Variants in LY96 observed in about 807,000 individuals in gnomAD.
LY96 encodes myeloid differentiation protein-2.
LY96 carries 18 observed loss-of-function variants against 18.9 expected under a neutral mutation model. The observed-to-expected ratio is 0.95, with a 90% CI of 0.66 to 1.41. The LOEUF (loss-of-function observed/expected upper bound fraction) is 1.41, where lower values mean the gene tolerates loss of function less well. LY96 is among the 40% of genes most tolerant of loss of function. LY96 has a pLI of 0.00. For synonymous variants in LY96, 66 were observed against 62.6 expected (o/e 1.06, Z -0.26); for missense variants, 175 against 182.4 (o/e 0.96, Z 0.23).
chr8:74,075,685 CT>C, the LY96 span, among the ~76,000 whole-genome samples: 3 of 152,106 alleles, frequency 2.0e-5, no homozygotes, highest in Admixed American at 1.3e-4. Context: ...TCTTTAATTT[CT>C]TTTGATTAAA....
chr8:74,037,499 G>A, the LY96 span, among the ~76,000 whole-genome samples: 1 of 152,172 alleles, frequency 6.6e-6, no homozygotes, highest in African/African-American at 2.4e-5. Flanking sequence ...AAGCATCGCA[G>A]CACCTGCCTG....
chr8:74,012,903 A>G (rs1816558674), intron 3 of LY96, among the ~76,000 whole-genome samples: 1 of 152,006 alleles, frequency 6.6e-6, no homozygotes, highest in Admixed American at 6.6e-5. Context: ...ACTATATGTT[A>G]TTGGTTTTAA....
chr8:74,031,791 C>T (rs1292891988), downstream of LY96, among the ~76,000 whole-genome samples: 2 of 151,742 alleles, frequency 1.3e-5, no homozygotes, highest in Admixed American at 6.6e-5. Context: ...ACCAAGAAGA[C>T]AGTCAATGTG....
At chr8:74,081,264 C>CT in the LY96 span, among the ~76,000 whole-genome samples, 4 of 139,460 alleles carry the variant, frequency 2.9e-5, no homozygotes, top group African/African-American at 8.0e-5. Flanking sequence ...CTTTCTCCTT[C>CT]TTTTTTTTTG....
chr8:74,039,823 A>G, the LY96 span, among the ~76,000 whole-genome samples: 14 of 152,226 alleles, frequency 9.2e-5, no homozygotes, highest in Non-Finnish European at 1.5e-5. Context: ...GAAAGTGGAC[A>G]AGGAGCATGA....
chr8:74,019,356 C>T (rs1816710274), intron 3 of LY96, among the ~76,000 whole-genome samples: 1 of 152,126 alleles, frequency 6.6e-6, no homozygotes, highest in Non-Finnish European at 1.5e-5. Context: ...TACACCCTCC[C>T]AAGACTAAAC....
At chr8:74,047,777 C>A in the LY96 span, among the ~76,000 whole-genome samples, 1 of 152,324 alleles carries the variant, frequency 6.6e-6, no homozygotes, top group East Asian at 1.9e-4. Context: ...TTATCCAAAC[C>A]ACAATGCTAA....
Position 74,002,098 on chromosome 8 carries a change from TC to T in LY96, c.113-2697del, listed in dbSNP as rs759115696. On this transcript the variant is annotated intron_variant, in intron 1 of 4. Transcript: ENST00000284818. ...TCCTTTCTTTCTTTCTTTCTTTCTC[TC>T]TCTCTCTCTCTCTCTCTCTCTCTCT... Among the ~76,000 whole-genome samples the T allele has an allele frequency of 8.2e-3, 211 of 25,804 alleles. 31 individuals are homozygous for T. The East Asian group carries it at 0.084, about 10-fold the overall frequency. The allele number at this position is 25,804 out of a possible 152,430, so 16.9% of individuals were successfully genotyped here. A position where few individuals can be genotyped will look rare whatever the true frequency, so the allele number is the denominator to read the frequency against.
At chr8:74,087,950 C>T in the LY96 span, among the ~76,000 whole-genome samples, 1 of 151,778 alleles carries the variant, frequency 6.6e-6, no homozygotes, top group Non-Finnish European at 1.5e-5. Flanking sequence ...TTTTTCTTGT[C>T]TGAATCCTTC....
At chr8:74,084,204 A>T in the LY96 span, among the ~76,000 whole-genome samples, 3 of 152,196 alleles carry the variant, frequency 2.0e-5, no homozygotes, top group South Asian at 6.2e-4. Context: ...AGTTTAGGGC[A>T]GAAATATCTC....
the LY96 span, among the ~76,000 whole-genome samples, chr8:74,063,377 T>C: frequency 2.0e-5 from 3 of 152,236 alleles, no homozygotes; most frequent in Admixed American, 2.0e-4. Flanking sequence ...GCTCTGCTTT[T>C]TGAAGGGAAT....
At chr8:74,045,433 T>C in the LY96 span, among the ~76,000 whole-genome samples, 1 of 152,244 alleles carries the variant, frequency 6.6e-6, no homozygotes, top group East Asian at 1.9e-4. Context: ...TTTAAGGTTC[T>C]AGGTCTACTG....
intron 4 of LY96, among the ~76,000 whole-genome samples, chr8:74,028,539 G>A (rs1816915806): frequency 6.6e-6 from 1 of 152,020 alleles, no homozygotes; most frequent in African/African-American, 2.4e-5. Context: ...TGGGAACTTA[G>A]TCTGGTCATC....
the LY96 span, among the ~76,000 whole-genome samples, chr8:74,084,022 C>CT: frequency 0.015 from 2,123 of 144,262 alleles, 17 homozygotes; most frequent in Middle Eastern, 0.045. Flanking sequence ...CCCTCATGCT[C>CT]TTTTTTTTTT....
chr8:74,063,012 C>G, the LY96 span, among the ~76,000 whole-genome samples: 6,714 of 152,264 alleles, frequency 0.044, 381 homozygotes, highest in African/African-American at 0.12. Context: ...CTTGGAGTGT[C>G]TCAGCTGTGT....
chr8:73,996,376 TC>T (rs1816138072), intron 1 of LY96, among the ~76,000 whole-genome samples: 1 of 17,970 alleles, frequency 5.6e-5, no homozygotes, highest in Non-Finnish European at 1.1e-4. Flanking sequence ...TTCATTCCTT[TC>T]TTTCTTTCTT....
chr8:74,096,688 T>C, the LY96 span, among the ~76,000 whole-genome samples: 1 of 152,188 alleles, frequency 6.6e-6, no homozygotes, highest in Non-Finnish European at 1.5e-5. Flanking sequence ...GTAATCTTCA[T>C]GGGGGCGGGG....
chr8:74,033,391 T>C (rs1049788977), downstream of LY96, among the ~76,000 whole-genome samples: 1 of 152,210 alleles, frequency 6.6e-6, no homozygotes, highest in African/African-American at 2.4e-5. Flanking sequence ...AATGCTACGT[T>C]GCCTGGGGCA....
At chr8:74,072,742 G>A in the LY96 span, among the ~76,000 whole-genome samples, 5 of 152,084 alleles carry the variant, frequency 3.3e-5, no homozygotes, top group Non-Finnish European at 5.9e-5. Context: ...TGACAAAGTT[G>A]GGGTAAAAGA....
Sources: gnomAD v4.1 joint callset for allele counts (sites outside exome capture counted in the v4.1 genomes callset) on GRCh38, gnomAD v4.1.1 for gene constraint, MANE v1.5 for transcripts, NCBI Gene and HGNC (gene_info 2026-07-23, HGNC 2026-07-21) for gene names.